The following TTLL11 variants were observed in gnomAD, a reference collection of about 807,000 sequenced individuals.
The protein encoded by TTLL11 is tubulin polyglutamylase TTLL11.
TTLL11 carries 42 observed loss-of-function variants against 51.7 expected under a neutral mutation model. The observed-to-expected ratio is 0.81, with a 90% CI of 0.64 to 1.05. TTLL11 has a LOEUF of 1.05. Among genes scored for constraint, TTLL11 ranks in the 50% least tolerant of loss-of-function variants. The pLI is 0.00. For missense variants in TTLL11, 799 were observed against 940.4 expected (o/e 0.85, Z 1.97); for synonymous variants, 381 against 383.5 (o/e 0.99, Z 0.08).
At chr9:122,033,473 C>T (rs926539313) in intron 2 of TTLL11, among the ~76,000 whole-genome samples, 1 of 152,118 alleles carries the variant, frequency 6.6e-6, no homozygotes, top group African/African-American at 2.4e-5. Context: ...ATGGCCTTTA[C>T]CCTGAAAGAG....
At chr9:121,970,355 T>A (rs749366286) in intron 6 of TTLL11, among the ~76,000 whole-genome samples, 7 of 152,150 alleles carry the variant, frequency 4.6e-5, no homozygotes, top group Non-Finnish European at 7.3e-5. Flanking sequence ...GAAAAGCAAC[T>A]AGAACAAGAA....
chr9:121,910,127 G>A (rs1320202144), intron 6 of TTLL11, among the ~76,000 whole-genome samples: 2 of 152,198 alleles, frequency 1.3e-5, no homozygotes, highest in Admixed American at 1.3e-4. Flanking sequence ...ACGATACAGC[G>A]TTCAAGTGCA....
At chr9:122,041,611 G>A (rs1844847051) in intron 1 of TTLL11, among the ~76,000 whole-genome samples, 1 of 152,030 alleles carries the variant, frequency 6.6e-6, no homozygotes, top group African/African-American at 2.4e-5. Context: ...AATCAACTGT[G>A]TTTCATACAT....
At chr9:121,932,980 C>A (rs1408509808) in intron 6 of TTLL11, among the ~76,000 whole-genome samples, 1 of 152,180 alleles carries the variant, frequency 6.6e-6, no homozygotes, top group Non-Finnish European at 1.5e-5. Flanking sequence ...TATGTGAGAA[C>A]CCACTTAAAA....
chr9:122,055,236 G>GATAGATAGATAGATAT (rs1201266401), intron 1 of TTLL11, among the ~76,000 whole-genome samples: 1 of 145,086 alleles, frequency 6.9e-6, no homozygotes, highest in South Asian at 2.1e-4. Context: ...TAGATAGATA[G>GATAGATAGATAGATAT]ATAGATAAAG....
At chr9:121,840,487 C>G (rs781133255) in intron 8 of TTLL11, among the ~76,000 whole-genome samples, 4 of 152,170 alleles carry the variant, frequency 2.6e-5, no homozygotes, top group Non-Finnish European at 5.9e-5. Context: ...CCTCTACCTA[C>G]CAGGTTCAAG....
chr9:121,992,257 G>A (rs1038542263), intron 3 of TTLL11, among the ~76,000 whole-genome samples: 3 of 152,052 alleles, frequency 2.0e-5, no homozygotes, highest in Admixed American at 6.6e-5. Flanking sequence ...AGACCCTTCC[G>A]CCACTACTAC....
At chr9:121,854,301 A>G (rs1837752429) in intron 8 of TTLL11, among the ~76,000 whole-genome samples, 1 of 152,176 alleles carries the variant, frequency 6.6e-6, no homozygotes, top group Admixed American at 6.5e-5. Flanking sequence ...ATTTTGGTCA[A>G]AGAGCACTCA....
chr9:122,092,517 G>A (rs1219864909), intron 1 of TTLL11, among the ~76,000 whole-genome samples, 170 bp downstream of exon 1: 28 of 152,196 alleles, frequency 1.8e-4, no homozygotes, highest in Non-Finnish European at 1.9e-4. Context: ...GTGATTTTGG[G>A]GGGTAGGCCT....
Position 121,989,814 on chromosome 9 carries a change from T to G in TTLL11, c.694-44A>C, listed in dbSNP as rs1203835837. ...ATGGCCGACATTATATTGTTTTCCC[T>G]CTGGATCCCTAACACAGAGCAAGGC... is the stretch of plus-strand genomic sequence containing the variant. On this transcript the variant is annotated intron_variant, in intron 3 of 8. Coordinates refer to ENST00000321582, the MANE Select transcript of TTLL11 (RefSeq NM_001139442.2). The surrounding 1 kb of genome is among the most constrained non-coding windows in gnomAD (Gnocchi z 4.2). 1 of 1,547,138 alleles carries G rather than the reference T, an allele frequency of 6.5e-7. No homozygotes were observed. Among genetic ancestry groups the G allele is most frequent in the African/African-American group, 1.4e-5 (1 of 73,104 alleles).
chr9:121,865,978 T>C (rs4240471), intron 7 of TTLL11, among the ~76,000 whole-genome samples: 111,457 of 152,162 alleles, frequency 0.73, 41,434 homozygotes, highest in East Asian at 0.9. Flanking sequence ...TAAATTCAAT[T>C]GGAGTGTTTA....
intron 2 of TTLL11, among the ~76,000 whole-genome samples, chr9:122,034,109 T>C (rs1844634205): frequency 6.6e-6 from 1 of 152,228 alleles, no homozygotes; most frequent in South Asian, 2.1e-4. Flanking sequence ...TTACTCCACG[T>C]AGAGGATGCC....
At chr9:122,025,450 T>C (rs1235852189) in intron 3 of TTLL11, among the ~76,000 whole-genome samples, 1 of 152,172 alleles carries the variant, frequency 6.6e-6, no homozygotes, top group Non-Finnish European at 1.5e-5. Flanking sequence ...CTGGGCAACA[T>C]GGTGAAACCC....
chr9:121,941,905 CT>C (rs1484262654), intron 6 of TTLL11, among the ~76,000 whole-genome samples: 1 of 152,162 alleles, frequency 6.6e-6, no homozygotes, highest in African/African-American at 2.4e-5. Context: ...CCTGCCACCC[CT>C]GCCTCCAAAC....
intron 6 of TTLL11, among the ~76,000 whole-genome samples, chr9:121,903,954 C>T (rs938028637): frequency 2.0e-5 from 3 of 152,188 alleles, no homozygotes; most frequent in African/African-American, 7.2e-5. Flanking sequence ...TTTTCCAGCT[C>T]AGCTCAGGGA....
intron 1 of TTLL11, among the ~76,000 whole-genome samples, chr9:122,088,103 G>C (rs1287146116): frequency 6.6e-6 from 1 of 152,194 alleles, no homozygotes; most frequent in East Asian, 1.9e-4. Context: ...TATATGGCAA[G>C]CAATCTGTGA....
Position 121,870,700 on chromosome 9 carries a change from G to A in TTLL11, c.1530C>T (p.Asp510=), listed in dbSNP as rs202079295. Residue 510 remains aspartate, a synonymous_variant, in exon 7 of 9, where the codon GAC becomes GAT. Transcript: ENST00000321582. ...AGTCTGGAGCACTGGTCAGCTCGCC[G>A]TCCAAAGCATCTTCCTTTCCAGCGA... is the stretch of plus-strand genomic sequence containing the variant. ...KPFAGKEDAL[D]GELTSAPDCN... The A allele has an allele frequency of 2.5e-5, 39 of 1,550,488 alleles. No individual in the cohort carries two copies. The highest frequency in any genetic ancestry group is 1.7e-4 in the Middle Eastern group (1 of 6,002).
intron 6 of TTLL11, among the ~76,000 whole-genome samples, chr9:121,910,500 A>G (rs1363793355): frequency 6.6e-6 from 1 of 152,218 alleles, no homozygotes; most frequent in Non-Finnish European, 1.5e-5. Context: ...CCGTCAGCTG[A>G]GTGTAACAGT....
intron 6 of TTLL11, among the ~76,000 whole-genome samples, chr9:121,926,801 G>A (rs1840752141): frequency 6.6e-6 from 1 of 150,500 alleles, no homozygotes; most frequent in African/African-American, 2.5e-5. Flanking sequence ...ACCCACTCTG[G>A]CTGTTAAAAC....
Sources: allele counts gnomAD v4.1 joint callset (sites outside exome capture counted in the v4.1 genomes callset), GRCh38; gene constraint gnomAD v4.1.1; non-coding constraint Gnocchi (gnomAD v3.1); transcripts MANE v1.5; gene names NCBI Gene and HGNC (gene_info 2026-07-23, HGNC 2026-07-21).